The following LRBA variants were observed in gnomAD, a reference collection of about 807,000 sequenced individuals.
LRBA encodes the protein lipopolysaccharide-responsive and beige-like anchor protein.
A neutral mutation model predicts 330.0 loss-of-function variants in LRBA; 176 were observed. The ratio of observed to expected loss-of-function variants is 0.53; its 90% CI spans 0.47 to 0.60. The LOEUF (loss-of-function observed/expected upper bound fraction) is 0.60. Ranked by LOEUF, LRBA falls within the 20% of genes least tolerant of loss-of-function variation. The pLI is 0.00. For synonymous variants in LRBA, 1,230 were observed against 1,193.0 expected (o/e 1.03, Z -0.64); for missense variants, 3,259 against 3,444.8 (o/e 0.95, Z 1.35).
intron 40 of LRBA, among the ~76,000 whole-genome samples, chr4:150,522,461 A>G (rs1763022092): frequency 6.6e-6 from 1 of 152,336 alleles, no homozygotes; most frequent in Non-Finnish European, 1.5e-5. Flanking sequence ...CAATGCAAGA[A>G]TAACTCCCCA....
chr4:150,900,253 C>T, intron 13 of LRBA, 36 bp from the exon 14 acceptor site: 1 of 1,518,974 alleles, frequency 6.6e-7, no homozygotes, highest in Non-Finnish European at 9.0e-7. Context: ...GAGAACCCCA[C>T]CAGCATTTTA....
intron 44 of LRBA, among the ~76,000 whole-genome samples, chr4:150,441,482 T>G (rs920260504): frequency 1.3e-5 from 2 of 152,138 alleles, no homozygotes; most frequent in South Asian, 2.1e-4. Context: ...AACAGACTCC[T>G]TTAAAAGCAC....
chr4:150,406,004 G>A (rs1358354465), intron 47 of LRBA, among the ~76,000 whole-genome samples: 8 of 152,086 alleles, frequency 5.3e-5, no homozygotes, highest in African/African-American at 1.9e-4. Flanking sequence ...GCAGTGAGCC[G>A]TGATTGTACC....
At chr4:150,400,978 T>C (rs1006914208) in intron 47 of LRBA, among the ~76,000 whole-genome samples, 1 of 152,148 alleles carries the variant, frequency 6.6e-6, no homozygotes, top group Non-Finnish European at 1.5e-5. Flanking sequence ...CAAAATGAGA[T>C]TGGAGATAGG....
intron 44 of LRBA, among the ~76,000 whole-genome samples, chr4:150,464,502 C>A (rs1455125923): frequency 6.6e-6 from 1 of 151,994 alleles, no homozygotes; most frequent in Non-Finnish European, 1.5e-5. Context: ...TTCCATAATA[C>A]TATGGGGTCT....
chr4:150,476,105 T>C (rs1319424801), intron 42 of LRBA, among the ~76,000 whole-genome samples: 1 of 152,178 alleles, frequency 6.6e-6, no homozygotes, highest in East Asian at 1.9e-4. Flanking sequence ...GTTTCATTGA[T>C]TTTTGTTATA....
intron 17 of LRBA, among the ~76,000 whole-genome samples, chr4:150,873,483 G>A (rs1174678508): frequency 3.3e-5 from 5 of 151,862 alleles, no homozygotes; most frequent in South Asian, 2.1e-4. Context: ...CCAGCTTCTC[G>A]GGAGGCTGAG....
rs141190064 is a variant in LRBA, at chr4:150,847,986, G to A, written c.4339+832C>T. On this transcript the variant is annotated intron_variant, in intron 26 of 56. Coordinates refer to ENST00000651943, the MANE Select transcript of LRBA (RefSeq NM_001364905.1). ...CATCAACATCACCTGGGACTTGGTA[G>A]TCAATTTTAGGCCTTACCCTAGACC... 4.4e-3 allele frequency among the ~76,000 whole-genome samples: 669 copies of A among 151,974 alleles called. 3 individuals are homozygous for A. Among genetic ancestry groups the A allele is most frequent in the Non-Finnish European group, 7.0e-3 (478 of 67,984 alleles).
chr4:150,277,275 G>T (rs1174741290), intron 56 of LRBA, among the ~76,000 whole-genome samples: 2 of 150,956 alleles, frequency 1.3e-5, no homozygotes, highest in Non-Finnish European at 3.0e-5. Context: ...TGTTGTGGGG[G>T]TGGGGGCCTA....
intron 28 of LRBA, among the ~76,000 whole-genome samples, chr4:150,834,160 T>C (rs1255436955): frequency 2.0e-5 from 3 of 152,200 alleles, no homozygotes; most frequent in East Asian, 1.9e-4. Context: ...TCCATGAGAA[T>C]TGTAATCAAT....
At chr4:150,359,381 G>A (rs1710390094) in intron 47 of LRBA, among the ~76,000 whole-genome samples, 2 of 152,172 alleles carry the variant, frequency 1.3e-5, no homozygotes, top group Admixed American at 1.3e-4. Context: ...GTGAGAGGTA[G>A]TGAGAGCCTT....
chr4:150,647,014 A>C (rs1779207612), intron 37 of LRBA, among the ~76,000 whole-genome samples: 2 of 152,158 alleles, frequency 1.3e-5, no homozygotes, highest in African/African-American at 4.8e-5. Context: ...AACAGAACGA[A>C]GAACATGGTC....
At chr4:150,365,520 G>A (rs13127431) in intron 47 of LRBA, among the ~76,000 whole-genome samples, 44,552 of 151,934 alleles carry the variant, frequency 0.29, 7,652 homozygotes, top group Non-Finnish European at 0.39. Context: ...GGCTGGGCAC[G>A]GTGGCTCACG....
chr4:150,342,958 T>G (rs1735781851), intron 48 of LRBA, among the ~76,000 whole-genome samples: 1 of 142,680 alleles, frequency 7.0e-6, no homozygotes, highest in Non-Finnish European at 1.5e-5. Flanking sequence ...TGCTTTAATA[T>G]AAATCAAGCA....
Position 150,849,336 on chromosome 4 carries a change from G to A in LRBA, c.4158+86C>T, listed in dbSNP as rs1040956718. On this transcript the variant is annotated intron_variant, in intron 25 of 56. Coordinates refer to ENST00000651943, the MANE Select transcript of LRBA (RefSeq NM_001364905.1). ...TTATTTATAGCACCTACGATGCATA[G>A]TAACCACCACATTTAAGTTTTAGTC... 33 of 1,208,994 alleles carry A rather than the reference G, an allele frequency of 2.7e-5. No homozygotes were observed. In the African/African-American group the frequency reaches 3.9e-4, roughly 14 times the overall value. 74.9% of individuals were successfully genotyped at this position (1,208,994 alleles called of 1,614,324 possible).
Position 150,735,245 on chromosome 4 carries a change from A to G in LRBA, c.5754+13T>C. On this transcript the variant is annotated intron_variant, in intron 36 of 56. Transcript: ENST00000651943. ...ACGGTAACTTCCGCACACCAACCAT[A>G]TGTGTAACCTACCTCAAATTCCGCA... is the stretch of plus-strand genomic sequence containing the variant. 11 of 1,582,340 alleles carry G rather than the reference A, an allele frequency of 7.0e-6. No individual in the cohort carries two copies. Among genetic ancestry groups the G allele is most frequent in the Non-Finnish European group, 9.6e-6 (11 of 1,151,358 alleles).
At chr4:150,518,859 G>A (rs935204683) in intron 40 of LRBA, among the ~76,000 whole-genome samples, 2 of 152,106 alleles carry the variant, frequency 1.3e-5, no homozygotes, top group African/African-American at 4.8e-5. Context: ...TAGGCCTAAT[G>A]TAACAACAAG....
intron 35 of LRBA, among the ~76,000 whole-genome samples, chr4:150,756,578 T>C (rs1047709697): frequency 1.6e-4 from 24 of 152,160 alleles, no homozygotes; most frequent in Non-Finnish European, 2.9e-5. Flanking sequence ...TTCAATTCAA[T>C]TCAATTTCAA....
chr4:150,694,474 A>AAAAAAAAAAAAAAAAAAAAC (rs1222097648), intron 36 of LRBA, among the ~76,000 whole-genome samples: 2 of 150,098 alleles, frequency 1.3e-5, no homozygotes, highest in African/African-American at 2.4e-5. Flanking sequence ...AAAAAAAAAA[A>AAAAAAAAAAAAAAAAAAAAC]AAGCTATCTA....
Sources: gnomAD v4.1 joint callset for allele counts (sites outside exome capture counted in the v4.1 genomes callset) on GRCh38, gnomAD v4.1.1 for gene constraint, MANE v1.5 for transcripts, NCBI Gene and HGNC (gene_info 2026-07-23, HGNC 2026-07-21) for gene names.